ADAMTS2: variants seen among roughly 807,000 people sequenced by gnomAD.
The protein encoded by ADAMTS2 is A disintegrin and metalloproteinase with thrombospondin motifs 2.
Under a neutral mutation model 123.0 loss-of-function variants are expected in ADAMTS2, and 50 were observed. The ratio of observed to expected loss-of-function variants is 0.41; its 90% confidence interval spans 0.32 to 0.51. The LOEUF (loss-of-function observed/expected upper bound fraction) is 0.51, where lower values mean the gene tolerates loss of function less well. ADAMTS2 is among the 20% of genes least tolerant of loss of function. The pLI is 0.35. For synonymous variants in ADAMTS2, 678 were observed against 695.4 expected (o/e 0.98, Z 0.39); for missense variants, 1,494 against 1,705.2 (o/e 0.88, Z 2.18).
chr5:179,305,819 C>G (rs1756656796), intron 2 of ADAMTS2, among the ~76,000 whole-genome samples: 1 of 151,982 alleles, frequency 6.6e-6, no homozygotes, highest in South Asian at 2.1e-4. Context: ...ACATCACAGC[C>G]ATAAAAAAGA....
In ADAMTS2 at chr5:179,343,722, G is replaced by A. The variant is rs767349722; in HGVS notation, c.534+45C>T. 1.7e-5 allele frequency: 27 copies of A among 1,593,440 alleles called. 1 individual carries two copies. The highest frequency in any genetic ancestry group is 1.2e-4 in the South Asian group (11 of 89,204). On this transcript the variant is annotated intron_variant, in intron 2 of 21. Coordinates refer to ENST00000251582, the MANE Select transcript of ADAMTS2 (RefSeq NM_014244.5). ...CCAGGTAACCCTTTTCCAAAACCCA[G>A]GCGAGAGCAGCGGAGAGAAAGGAGC... is the stretch of plus-strand genomic sequence containing the variant.
At chr5:179,125,632 G>A (rs932837486) in intron 18 of ADAMTS2, among the ~76,000 whole-genome samples, 1 of 152,222 alleles carries the variant, frequency 6.6e-6, no homozygotes, top group Non-Finnish European at 1.5e-5. Context: ...CTTCCCCACT[G>A]AGGTCCCTGG....
intron 1 of ADAMTS2, among the ~76,000 whole-genome samples, chr5:179,344,825 G>T (rs1337023552): frequency 6.6e-6 from 1 of 152,140 alleles, no homozygotes; most frequent in Admixed American, 6.5e-5. Context: ...CTCGGCAGCC[G>T]GCTCCTCCGG....
intron 17 of ADAMTS2, among the ~76,000 whole-genome samples, chr5:179,127,046 G>A (rs1349384778): frequency 6.6e-6 from 1 of 152,232 alleles, no homozygotes; most frequent in Non-Finnish European, 1.5e-5. Flanking sequence ...TAAGAGCAGA[G>A]GAAGCTGTTG....
chr5:179,130,184 G>T lies in ADAMTS2; in HGVS notation c.2291-86C>A. On this transcript the variant is annotated intron_variant, in intron 15 of 21. Transcript: ENST00000251582. This position sits in a 1 kb window ranked among gnomAD's most constrained non-coding sequence, Gnocchi z 4.3. ...TGGTTTGGGCTGGTCGGGGAGTGGG[G>T]GCAGCTAGCTGGACCCCTTGTCTCT... The T allele has an allele frequency of 3.3e-6, 5 of 1,532,948 alleles. No individual in the cohort carries two copies. The highest frequency in any genetic ancestry group is 3.6e-6 in the Non-Finnish European group (4 of 1,113,338). The allele number at this position is 1,532,948 out of a possible 1,614,324, so 95.0% of individuals were successfully genotyped here. A position where few individuals can be genotyped will look rare whatever the true frequency, so the allele number is the denominator to read the frequency against.
intron 5 of ADAMTS2, among the ~76,000 whole-genome samples, chr5:179,164,403 T>C (rs529816715): frequency 3.3e-5 from 5 of 152,266 alleles, no homozygotes; most frequent in Admixed American, 6.5e-5. Context: ...CTGAGATGCA[T>C]GCAGGTGTGG....
chr5:179,132,208 G>A lies in ADAMTS2; in HGVS notation c.2290+22C>T, dbSNP rs772076362. 3 of 1,612,050 alleles carry A rather than the reference G, an allele frequency of 1.9e-6. No homozygotes were observed. The highest frequency in any genetic ancestry group is 2.7e-5 in the African/African-American group (2 of 74,870). On this transcript the variant is annotated intron_variant, in intron 15 of 21. Transcript: ENST00000251582. The surrounding 1 kb of genome is among the most constrained non-coding windows in gnomAD (Gnocchi z 6.1). ...AGGAGCCAGGTCCTGAGGACGTCAA[G>A]TTGTCCGGCTCTGAGACTCACCCAG...
chr5:179,320,793 A>G (rs1757146910), intron 2 of ADAMTS2, among the ~76,000 whole-genome samples: 1 of 152,228 alleles, frequency 6.6e-6, no homozygotes, highest in Non-Finnish European at 1.5e-5. Flanking sequence ...TATTCCATGA[A>G]GTTAAATCCA....
intron 9 of ADAMTS2, 80 bp downstream of exon 9, chr5:179,153,411 A>T: frequency 6.3e-7 from 1 of 1,590,268 alleles, no homozygotes; most frequent in Non-Finnish European, 8.5e-7. Flanking sequence ...CGGTCCTCAC[A>T]CTGTCCCGGG....
intron 3 of ADAMTS2, among the ~76,000 whole-genome samples, chr5:179,239,847 T>C (rs1370852739): frequency 6.6e-6 from 1 of 152,016 alleles, no homozygotes; most frequent in Admixed American, 6.6e-5. Flanking sequence ...AAAGTGGGTG[T>C]CCGGTAAGCC....
intron 3 of ADAMTS2, among the ~76,000 whole-genome samples, chr5:179,265,400 C>T (rs886147294): frequency 1.3e-5 from 2 of 152,210 alleles, no homozygotes; most frequent in Non-Finnish European, 2.9e-5. Flanking sequence ...GGAGTTGCTG[C>T]GCACGTGGGG....
At chr5:179,336,516 C>T (rs972273111) in intron 2 of ADAMTS2, among the ~76,000 whole-genome samples, 3 of 152,182 alleles carry the variant, frequency 2.0e-5, no homozygotes, top group East Asian at 1.9e-4. Context: ...GTGGGGCCCG[C>T]GCCTCCAGGG....
intron 2 of ADAMTS2, among the ~76,000 whole-genome samples, chr5:179,325,143 T>C (rs55851117): frequency 0.018 from 2,722 of 152,034 alleles, 73 homozygotes; most frequent in African/African-American, 0.063. Context: ...AGTTGATGGG[T>C]GTGTGTGATC....
intron 2 of ADAMTS2, among the ~76,000 whole-genome samples, chr5:179,302,821 C>T (rs1282972905): frequency 6.6e-6 from 1 of 151,736 alleles, no homozygotes; most frequent in Non-Finnish European, 1.5e-5. Context: ...AAGTGGGCTC[C>T]AGCACAGAGA....
Position 179,129,881 on chromosome 5 carries a change from C to A in ADAMTS2, c.2457+51G>T. ...AGCGTCCCAGGCACCCCCATCCCTC[C>A]CCCAGTGGCCACCCGCACCCTTCCC... On this transcript the variant is annotated intron_variant, in intron 16 of 21. Transcript: ENST00000251582. The surrounding 1 kb of genome is among the most constrained non-coding windows in gnomAD (Gnocchi z 4.1). The A allele has an allele frequency of 4.4e-6, 7 of 1,609,130 alleles. No homozygotes were observed. The highest frequency in any genetic ancestry group is 5.9e-6 in the Non-Finnish European group (7 of 1,178,094).
rs1763799914 is a variant in ADAMTS2 at position 179,170,695 on chromosome 5, C to T, written c.975+10377G>A. On this transcript the variant is annotated intron_variant, in intron 5 of 21. Coordinates refer to ENST00000251582, the MANE Select transcript of ADAMTS2 (RefSeq NM_014244.5). The surrounding 1 kb of genome is among the most constrained non-coding windows in gnomAD (Gnocchi z 4.3). ...TCCTGGCTGCTCCATCCATGGTCCC[C>T]TATTGCCTGCCACCCTGCTGTATTC... 6.6e-6 allele frequency among the ~76,000 whole-genome samples: 1 copy of T among 152,220 alleles called. No individual in the cohort carries two copies. Among genetic ancestry groups the T allele is most frequent in the Non-Finnish European group, 1.5e-5 (1 of 68,040 alleles).
chr5:179,217,794 A>G (rs60739376), intron 3 of ADAMTS2, among the ~76,000 whole-genome samples: 29 of 91,270 alleles, frequency 3.2e-4, no homozygotes, highest in African/African-American at 9.9e-4. Context: ...GGGATGGCGC[A>G]AGGGGGGGAT....
At position 179,269,394 on chromosome 5, in the gene ADAMTS2, T is replaced by C. The variant is rs575582144; in HGVS notation, c.688+3517A>G. Among the ~76,000 whole-genome samples, 187 of 123,046 alleles carry C rather than the reference T, an allele frequency of 1.5e-3. 1 individual carries two copies. Among genetic ancestry groups the C allele is most frequent in the African/African-American group, 6.3e-3 (185 of 29,378 alleles). The allele number at this position is 123,046 out of a possible 152,430, so 80.7% of individuals were successfully genotyped here. On this transcript the variant is annotated intron_variant, in intron 3 of 21. Transcript: ENST00000251582. The stretch of plus-strand genomic sequence containing the variant: ...GGTTTATTGGACTTACAGTTCCACA[T>C]GGCTGGGGAGGCCTCACAATCATGG...
intron 1 of ADAMTS2, among the ~76,000 whole-genome samples, chr5:179,344,604 G>A (rs918947969): frequency 1.3e-5 from 2 of 152,204 alleles, no homozygotes; most frequent in Non-Finnish European, 2.9e-5. Context: ...CCTGCCGCCC[G>A]AGTGCCCTCA....
Sources: allele counts gnomAD v4.1 joint callset (sites outside exome capture counted in the v4.1 genomes callset), GRCh38; gene constraint gnomAD v4.1.1; non-coding constraint Gnocchi (gnomAD v3.1); transcripts MANE v1.5; gene names NCBI Gene and HGNC (gene_info 2026-07-23, HGNC 2026-07-21).